ANKRD44: variants seen among roughly 807,000 people sequenced by gnomAD.
ANKRD44 encodes serine/threonine-protein phosphatase 6 regulatory ankyrin repeat subunit B.
A neutral mutation model predicts 116.0 loss-of-function variants in ANKRD44; 35 were observed. That is an observed-to-expected ratio of 0.30 (90% CI 0.23 to 0.40). ANKRD44 has a LOEUF of 0.40. ANKRD44 is among the 10% of genes least tolerant of loss of function. The pLI, the probability that ANKRD44 is intolerant of heterozygous loss-of-function variation, is 1.00. For missense variants in ANKRD44, 1,014 were observed against 1,242.6 expected (o/e 0.82, Z 2.77); for synonymous variants, 435 against 461.8 (o/e 0.94, Z 0.74).
intron 8 of ANKRD44, among the ~76,000 whole-genome samples, chr2:197,114,564 CT>C (rs1208440623): frequency 6.6e-6 from 1 of 152,178 alleles, no homozygotes; most frequent in East Asian, 1.9e-4. Context: ...AATCCATTCA[CT>C]TTTTCTTTTA....
At chr2:197,111,037 T>G (rs1310969590) in intron 8 of ANKRD44, among the ~76,000 whole-genome samples, 193 bp from the exon 9 acceptor site, 3 of 152,148 alleles carry the variant, frequency 2.0e-5, no homozygotes, top group Non-Finnish European at 4.4e-5. Context: ...GGTGACAGAA[T>G]GACATTCTTC....
intron 16 of ANKRD44, among the ~76,000 whole-genome samples, chr2:197,072,413 A>T (rs113434287): frequency 1.2e-4 from 18 of 152,300 alleles, no homozygotes; most frequent in Non-Finnish European, 2.1e-4. Flanking sequence ...AACATGGAGG[A>T]CCAGTTGCAA....
intron 10 of ANKRD44, among the ~76,000 whole-genome samples, chr2:197,092,546 C>G (rs1365646648): frequency 6.6e-6 from 1 of 152,140 alleles, no homozygotes; most frequent in African/African-American, 2.4e-5. Context: ...TCCTATTTAA[C>G]GGTGGTTTTA....
In ANKRD44 at chr2:197,009,045, C is replaced by G. The variant is rs1434753574; in HGVS notation, c.1925-14G>C. The G allele has an allele frequency of 2.5e-6, 4 of 1,605,878 alleles. No homozygotes were observed. Among genetic ancestry groups the G allele is most frequent in the African/African-American group, 1.3e-5 (1 of 74,770 alleles). On this transcript the variant is annotated splice_polypyrimidine_tract_variant and intron_variant, in intron 18 of 27. Coordinates refer to ENST00000282272, the MANE Select transcript of ANKRD44 (RefSeq NM_001195144.2). ...GACCATTAATTACTGAAAAAGAAAACAGTGGACAGTCTTTTAACAGAACAA... is the reference window on the plus strand; with the variant it reads ...GACCATTAATTACTGAAAAAGAAAAGAGTGGACAGTCTTTTAACAGAACAA...
At chr2:197,001,517 C>T (rs1260081409) in intron 22 of ANKRD44, among the ~76,000 whole-genome samples, 1 of 152,210 alleles carries the variant, frequency 6.6e-6, no homozygotes, top group African/African-American at 2.4e-5. Flanking sequence ...CACTCTACCC[C>T]TTCACGAGAT....
chr2:197,195,881 A>AT (rs1361871246), intron 1 of ANKRD44, among the ~76,000 whole-genome samples: 1 of 152,202 alleles, frequency 6.6e-6, no homozygotes, highest in Admixed American at 6.5e-5. Context: ...CTACCCACAG[A>AT]TTTTTTCACT....
chr2:197,067,369 C>A (rs542281811), intron 16 of ANKRD44, among the ~76,000 whole-genome samples: 45 of 152,256 alleles, frequency 3.0e-4, no homozygotes, highest in African/African-American at 9.6e-4. Context: ...GGACATAGGC[C>A]TGGGCAAGGA....
At chr2:197,186,606 A>ATTTTTCTTTTTT (rs2080670086) in intron 2 of ANKRD44, among the ~76,000 whole-genome samples, 4 of 81,454 alleles carry the variant, frequency 4.9e-5, no homozygotes, top group African/African-American at 1.9e-4. Flanking sequence ...TGCCCGGCTA[A>ATTTTTCTTTTTT]TTTTTCTTTT....
intron 9 of ANKRD44, among the ~76,000 whole-genome samples, chr2:197,100,219 G>A (rs1295571192): frequency 1.3e-5 from 2 of 152,060 alleles, no homozygotes; most frequent in South Asian, 2.1e-4. Flanking sequence ...GGCAGATCAC[G>A]AGGTCAGGAG....
intron 1 of ANKRD44, among the ~76,000 whole-genome samples, chr2:197,229,089 G>A (rs1401805104): frequency 1.3e-5 from 2 of 152,222 alleles, no homozygotes; most frequent in African/African-American, 2.4e-5. Flanking sequence ...CTGTGTCTGT[G>A]CATGACAAAT....
At chr2:197,268,081 A>G (rs1462503775) in intron 1 of ANKRD44, among the ~76,000 whole-genome samples, 2 of 152,232 alleles carry the variant, frequency 1.3e-5, no homozygotes, top group Non-Finnish European at 2.9e-5. Flanking sequence ...CAGGTTTTAC[A>G]ATAGAAAAAG....
At chr2:197,093,438 A>C (rs959225187) in intron 10 of ANKRD44, among the ~76,000 whole-genome samples, 1 of 152,008 alleles carries the variant, frequency 6.6e-6, no homozygotes, top group African/African-American at 2.4e-5. Context: ...TACAAACCTG[A>C]GAAGATGAAA....
chr2:197,075,502 G>A (rs1443046106), intron 16 of ANKRD44, among the ~76,000 whole-genome samples: 1 of 152,138 alleles, frequency 6.6e-6, no homozygotes, highest in African/African-American at 2.4e-5. Context: ...GTACATGTTT[G>A]TGGGCAGATT....
At chr2:197,234,256 C>A (rs1239049825) in intron 1 of ANKRD44, among the ~76,000 whole-genome samples, 1 of 150,656 alleles carries the variant, frequency 6.6e-6, no homozygotes, top group African/African-American at 2.5e-5. Flanking sequence ...GTGGCGTGAT[C>A]TCAGCTCACA....
intron 24 of ANKRD44, 39 bp from the exon 25 acceptor site, chr2:196,998,458 T>A: frequency 6.9e-7 from 1 of 1,440,230 alleles, no homozygotes; most frequent in Non-Finnish European, 9.7e-7. Flanking sequence ...TTAGATGAGA[T>A]GCTAATTACA....
At chr2:197,074,600 T>G (rs1050849351) in intron 16 of ANKRD44, among the ~76,000 whole-genome samples, 1 of 152,060 alleles carries the variant, frequency 6.6e-6, no homozygotes, top group Admixed American at 6.6e-5. Context: ...GCCTCCTGAG[T>G]AGCTAGGACT....
At chr2:197,195,653 G>A (rs2080932286) in intron 1 of ANKRD44, among the ~76,000 whole-genome samples, 2 of 152,176 alleles carry the variant, frequency 1.3e-5, no homozygotes, top group Admixed American at 1.3e-4. Context: ...GTTTCCAGGT[G>A]AAACTGAGGT....
intron 16 of ANKRD44, chr2:197,077,744 T>C (rs76665439): frequency 1.2e-3 from 189 of 152,298 alleles, no homozygotes; most frequent in African/African-American, 4.4e-3. Context: ...TTCTACCAAT[T>C]ATATTGATAA....
At chr2:197,163,182 C>A (rs2080012681) in intron 2 of ANKRD44, among the ~76,000 whole-genome samples, 1 of 152,310 alleles carries the variant, frequency 6.6e-6, no homozygotes, top group South Asian at 2.1e-4. Context: ...TAAATTAGAG[C>A]CATGACTTGA....
Sources: allele counts gnomAD v4.1 joint callset (sites outside exome capture counted in the v4.1 genomes callset), GRCh38; gene constraint gnomAD v4.1.1; transcripts MANE v1.5; gene names NCBI Gene and HGNC (gene_info 2026-07-23, HGNC 2026-07-21).